Variants in GLO1 observed in about 807,000 individuals in gnomAD.
GLO1 encodes lactoylglutathione lyase.
A neutral mutation model predicts 26.0 loss-of-function variants in GLO1; 28 were observed. The ratio of observed to expected loss-of-function variants is 1.08; its 90% CI spans 0.80 to 1.48. The LOEUF (loss-of-function observed/expected upper bound fraction) is 1.48, where lower values mean the gene tolerates loss of function less well. Ranked by LOEUF, GLO1 falls within the 40% of genes most tolerant of loss-of-function variation. The probability of loss-of-function intolerance (pLI) is 0.00; values close to 1 mark genes in which losing one functional copy is unlikely to be tolerated. For missense variants in GLO1, 225 were observed against 224.8 expected (o/e 1.00, Z -0.01); for synonymous variants, 78 against 77.6 (o/e 1.00, Z -0.03).
At chr6:38,685,284 C>G (rs943190889) in intron 2 of GLO1, among the ~76,000 whole-genome samples, 1 of 152,106 alleles carries the variant, frequency 6.6e-6, no homozygotes, top group Non-Finnish European at 1.5e-5. Flanking sequence ...ACTTACGCTT[C>G]TCTGAGGGGA....
intron 1 of GLO1, among the ~76,000 whole-genome samples, chr6:38,698,340 T>A (rs1246571901): frequency 1.3e-5 from 2 of 151,548 alleles, no homozygotes; most frequent in African/African-American, 4.8e-5. Context: ...CCATTGTCCT[T>A]CTTCCTTCCT....
intron 5 of GLO1, among the ~76,000 whole-genome samples, chr6:38,679,425 C>T (rs1357402402): frequency 6.6e-6 from 1 of 152,150 alleles, no homozygotes; most frequent in African/African-American, 2.4e-5. Context: ...TCCCAATCCT[C>T]TGCCTCGGCC....
At position 38,687,169 on chromosome 6, in the gene GLO1, T is replaced by TCTCTAGTCTGCTTTGGG; in HGVS notation, c.85-196_85-195insCCCAAAGCAGACTAGAG. The TCTCTAGTCTGCTTTGGG allele has an allele frequency of 6.9e-6, 6 of 870,850 alleles. No individual in the cohort carries two copies. In the African/African-American group the frequency reaches 9.1e-5, roughly 13 times the overall value. The allele number at this position is 870,850 out of a possible 1,614,324, so 53.9% of individuals were successfully genotyped here. A position where few individuals can be genotyped will look rare whatever the true frequency, so the allele number is the denominator to read the frequency against. ...GTCCAAAGTGTCAGAAAGTTTCCAC[T>TCTCTAGTCTGCTTTGGG]GCAGGAATGACCTTCAACCAATGGT... On this transcript the variant is annotated intron_variant, in intron 1 of 5. Transcript: ENST00000373365.
intron 1 of GLO1, among the ~76,000 whole-genome samples, chr6:38,695,373 A>C (rs1761594846): frequency 6.6e-6 from 1 of 152,132 alleles, no homozygotes. Flanking sequence ...ATATACATAT[A>C]CCCATGTATA....
In GLO1 at chr6:38,682,490, G is replaced by T. The variant is rs1248234699; in HGVS notation, c.376+318C>A. 1.3e-5 allele frequency among the ~76,000 whole-genome samples: 2 copies of T among 152,018 alleles called. 1 individual carries two copies. The highest frequency in any genetic ancestry group is 6.3e-3 in the Middle Eastern group (2 of 316). Reference sequence around the variant, plus strand: ...TCTTGATTGAGAGACTGGAGATCAAGGCAGAAGTGTATGTGCTAGCAGAAA... The same window carrying T: ...TCTTGATTGAGAGACTGGAGATCAATGCAGAAGTGTATGTGCTAGCAGAAA... On this transcript the variant is annotated intron_variant, in intron 4 of 5. Coordinates refer to ENST00000373365, the MANE Select transcript of GLO1 (RefSeq NM_006708.3).
intron 1 of GLO1, among the ~76,000 whole-genome samples, chr6:38,702,065 G>A (rs1761710985): frequency 6.6e-6 from 1 of 151,898 alleles, no homozygotes; most frequent in Non-Finnish European, 1.5e-5. Context: ...CGAGTAGCTG[G>A]GACTACAGGC....
At chr6:38,699,507 T>C (rs1195594137) in intron 1 of GLO1, among the ~76,000 whole-genome samples, 2 of 152,124 alleles carry the variant, frequency 1.3e-5, no homozygotes, top group African/African-American at 2.4e-5. Flanking sequence ...AAAAGAGCCA[T>C]ATTTTTCTTC....
intron 5 of GLO1, among the ~76,000 whole-genome samples, 188 bp from the exon 6 acceptor site, chr6:38,677,571 C>T (rs1761273240): frequency 6.6e-6 from 1 of 152,104 alleles, no homozygotes; most frequent in African/African-American, 2.4e-5. Flanking sequence ...GCACGCACCA[C>T]CTTGCCTGGC....
chr6:38,678,547 A>C (rs910114600), intron 5 of GLO1, among the ~76,000 whole-genome samples: 1 of 152,224 alleles, frequency 6.6e-6, no homozygotes, highest in African/African-American at 2.4e-5. Context: ...GGCCTGGACC[A>C]GAAGGCAGTG....
intron 1 of GLO1, among the ~76,000 whole-genome samples, chr6:38,691,467 C>A (rs1761530064): frequency 1.3e-5 from 2 of 152,194 alleles, no homozygotes; most frequent in South Asian, 4.2e-4. Flanking sequence ...AGCCACCACG[C>A]CCAGCTAATT....
At chr6:38,692,125 T>C (rs568353932) in intron 1 of GLO1, among the ~76,000 whole-genome samples, 2 of 152,308 alleles carry the variant, frequency 1.3e-5, no homozygotes, top group South Asian at 4.1e-4. Flanking sequence ...AACATGTATA[T>C]TGATTTGGGG....
chr6:38,693,685 C>CTCTCTCTCTCTCTCTATATATATA (rs869232489), intron 1 of GLO1, among the ~76,000 whole-genome samples: 4 of 86,458 alleles, frequency 4.6e-5, no homozygotes, highest in East Asian at 2.9e-4. Flanking sequence ...CTCTCTCTCT[C>CTCTCTCTCTCTCTCTATATATATA]TATATATATA....
chr6:38,696,915 T>G (rs1395791486), intron 1 of GLO1, among the ~76,000 whole-genome samples: 6 of 149,686 alleles, frequency 4.0e-5, no homozygotes, highest in Non-Finnish European at 8.8e-5. Flanking sequence ...ACAGAAAGCC[T>G]TCTTCTTTTT....
At chr6:38,688,712 G>C (rs182319552) in intron 1 of GLO1, among the ~76,000 whole-genome samples, 2 of 152,318 alleles carry the variant, frequency 1.3e-5, no homozygotes, top group Non-Finnish European at 2.9e-5. Context: ...AGTCTCAGGA[G>C]GGAGCACTGC....
intron 4 of GLO1, 128 bp downstream of exon 4, chr6:38,682,680 C>A (rs1485294691): frequency 6.3e-6 from 3 of 479,444 alleles, no homozygotes; most frequent in Non-Finnish European, 1.1e-5. Context: ...TAAAAATAAT[C>A]ATATCTCTAA....
At chr6:38,694,453 T>C (rs959633553) in intron 1 of GLO1, among the ~76,000 whole-genome samples, 2 of 152,138 alleles carry the variant, frequency 1.3e-5, no homozygotes, top group African/African-American at 4.8e-5. Context: ...CCGAGGTGGC[T>C]GGATTGCTTG....
chr6:38,687,313 C>T (rs527425595), intron 1 of GLO1, among the ~76,000 whole-genome samples: 2 of 151,732 alleles, frequency 1.3e-5, no homozygotes, highest in East Asian at 1.9e-4. Flanking sequence ...GTAATCCACT[C>T]GTATACACCT....
At chr6:38,683,558 T>C (rs944195948) in intron 3 of GLO1, among the ~76,000 whole-genome samples, 1 of 152,120 alleles carries the variant, frequency 6.6e-6, no homozygotes, top group African/African-American at 2.4e-5. Context: ...CAGGCAAATA[T>C]CTTACAATTT....
chr6:38,700,200 G>A (rs1046030891), intron 1 of GLO1, among the ~76,000 whole-genome samples: 2 of 152,094 alleles, frequency 1.3e-5, no homozygotes, highest in Admixed American at 1.3e-4. Flanking sequence ...GAAATATTGG[G>A]GTGGGTTCCC....
Sources: allele counts gnomAD v4.1 joint callset (sites outside exome capture counted in the v4.1 genomes callset), GRCh38; gene constraint gnomAD v4.1.1; transcripts MANE v1.5; gene names NCBI Gene and HGNC (gene_info 2026-07-23, HGNC 2026-07-21).